LPP: variants seen among roughly 807,000 people sequenced by gnomAD.
LPP encodes lipoma-preferred partner.
LPP carries 38 observed loss-of-function variants against 60.4 expected under a neutral mutation model. That is an observed-to-expected ratio of 0.63 (90% confidence interval 0.49 to 0.83). The LOEUF (loss-of-function observed/expected upper bound fraction) is 0.83. Among genes scored for constraint, LPP ranks in the 40% least tolerant of loss-of-function variants. The pLI is 0.00. For missense variants in LPP, 902 were observed against 783.6 expected (o/e 1.15, Z -1.80); for synonymous variants, 328 against 290.8 (o/e 1.13, Z -1.30).
Position 188,154,184 on chromosome 3 carries a change from TC to T in LPP, c.-256del. ...CTCCTCCTCTGCCTCTGCCTCCGCC[TC>T]CAGCCGCCGCCGCCGCCGCCGCCGC... On this transcript the variant is annotated 5_prime_UTR_variant, in exon 1 of 12. Transcript: ENST00000617246. The T allele has an allele frequency of 4.7e-6, 1 of 212,734 alleles. No homozygotes were observed. 13.2% of individuals were successfully genotyped at this position (212,734 alleles called of 1,614,324 possible).
intron 7 of LPP, among the ~76,000 whole-genome samples, chr3:188,706,657 G>A (rs1865535361): frequency 6.6e-6 from 1 of 152,204 alleles, no homozygotes; most frequent in Non-Finnish European, 1.5e-5. Flanking sequence ...GATAGCATGT[G>A]TTCAGAGATT....
At chr3:188,769,134 C>T (rs1450599438) in intron 9 of LPP, among the ~76,000 whole-genome samples, 1 of 152,036 alleles carries the variant, frequency 6.6e-6, no homozygotes, top group Non-Finnish European at 1.5e-5. Context: ...AACTTTAAAA[C>T]GTATAAATGA....
chr3:188,606,265 C>G (rs1842355857), intron 6 of LPP, among the ~76,000 whole-genome samples: 1 of 152,130 alleles, frequency 6.6e-6, no homozygotes, highest in African/African-American at 2.4e-5. Context: ...TACATAATAC[C>G]TGTGTAAATC....
intron 5 of LPP, among the ~76,000 whole-genome samples, chr3:188,485,348 A>G (rs1461600861): frequency 6.6e-6 from 1 of 152,242 alleles, no homozygotes; most frequent in East Asian, 1.9e-4. Context: ...AGCTGCCACC[A>G]TTTAAGCTGA....
chr3:188,762,680 A>G (rs150034956), intron 9 of LPP, among the ~76,000 whole-genome samples: 5 of 152,090 alleles, frequency 3.3e-5, no homozygotes, highest in African/African-American at 1.2e-4. Context: ...TTACTATACT[A>G]TGCTTATGAG....
chr3:188,629,036 G>A (rs1185261031), intron 7 of LPP, among the ~76,000 whole-genome samples: 1 of 151,994 alleles, frequency 6.6e-6, no homozygotes, highest in Admixed American at 6.6e-5. Context: ...GCAAAAAAGG[G>A]TTTTGGTAAA....
intron 4 of LPP, among the ~76,000 whole-genome samples, chr3:188,466,543 T>G (rs562690377): frequency 6.6e-6 from 1 of 152,040 alleles, no homozygotes; most frequent in African/African-American, 2.4e-5. Flanking sequence ...TACTTCCAGT[T>G]ATTTGTCAAT....
chr3:188,544,357 T>G (rs887715848), intron 6 of LPP, among the ~76,000 whole-genome samples: 1 of 152,256 alleles, frequency 6.6e-6, no homozygotes, highest in Non-Finnish European at 1.5e-5. Flanking sequence ...GTTACCCAGT[T>G]TATAACATGA....
At chr3:188,749,548 C>A (rs1466934807) in intron 8 of LPP, among the ~76,000 whole-genome samples, 1 of 152,150 alleles carries the variant, frequency 6.6e-6, no homozygotes, top group Non-Finnish European at 1.5e-5. Flanking sequence ...GAGAATAGCA[C>A]CATCTTTGGG....
intron 6 of LPP, among the ~76,000 whole-genome samples, chr3:188,596,787 C>A (rs543470323): frequency 6.6e-6 from 1 of 152,128 alleles, no homozygotes; most frequent in Non-Finnish European, 1.5e-5. Flanking sequence ...GCTTTGCTTT[C>A]GGTCACCCAA....
intron 1 of LPP, among the ~76,000 whole-genome samples, chr3:188,213,976 A>G (rs1021424529): frequency 3.3e-5 from 5 of 151,262 alleles, no homozygotes; most frequent in African/African-American, 1.2e-4. Flanking sequence ...ACACACACAC[A>G]CACACACACA....
rs60777289 is a variant in LPP at position 188,874,911 on chromosome 3, G to T, written c.*432G>T. 917 of 234,710 alleles carry T rather than the reference G, an allele frequency of 3.9e-3. 8 individuals carry two copies. Among genetic ancestry groups the T allele is most frequent in the African/African-American group, 0.018 (827 of 45,330 alleles). 14.5% of individuals were successfully genotyped at this position (234,710 alleles called of 1,614,324 possible). ...CCATCCTATCATTTCCGTTTTGCCT[G>T]TGACTGTAAAGAGTAGCCATTCTTT... is the stretch of plus-strand genomic sequence containing the variant. On this transcript the variant is annotated 3_prime_UTR_variant, in exon 12 of 12. Coordinates refer to ENST00000617246, the MANE Select transcript of LPP (RefSeq NM_001375462.1).
chr3:188,395,407 A>T (rs869630), intron 3 of LPP, among the ~76,000 whole-genome samples: 79 of 148,846 alleles, frequency 5.3e-4, no homozygotes, highest in African/African-American at 1.7e-3. Flanking sequence ...AATTATTATT[A>T]TTTTTTTTTT....
intron 4 of LPP, among the ~76,000 whole-genome samples, chr3:188,441,119 T>C (rs908609585): frequency 6.6e-6 from 1 of 152,160 alleles, no homozygotes; most frequent in Non-Finnish European, 1.5e-5. Context: ...TCAAAATGTA[T>C]TTATACTATG....
At chr3:188,838,752 AG>A (rs1759138695) in intron 9 of LPP, among the ~76,000 whole-genome samples, 2 of 152,312 alleles carry the variant, frequency 1.3e-5, no homozygotes, top group South Asian at 4.1e-4. Flanking sequence ...AAACTAACAC[AG>A]GAACAGAAAA....
chr3:188,281,841 G>A (rs1249577468), intron 2 of LPP, among the ~76,000 whole-genome samples: 2 of 151,990 alleles, frequency 1.3e-5, no homozygotes, highest in East Asian at 3.9e-4. Context: ...ACAGTTATTT[G>A]TATAAAATTT....
At chr3:188,243,453 G>T (rs1479933) in intron 2 of LPP, among the ~76,000 whole-genome samples, 12,681 of 152,182 alleles carry the variant, frequency 0.083, 1,059 homozygotes, top group African/African-American at 0.21. Context: ...CGGGGGCTTG[G>T]GGTGGTGTCT....
At chr3:188,604,784 A>G (rs1158394212) in intron 6 of LPP, among the ~76,000 whole-genome samples, 1 of 152,154 alleles carries the variant, frequency 6.6e-6, no homozygotes, top group Non-Finnish European at 1.5e-5. Flanking sequence ...GCAGGGAATA[A>G]AAAGGACAGT....
chr3:188,678,978 A>G (rs1858784512), intron 7 of LPP, among the ~76,000 whole-genome samples: 1 of 152,234 alleles, frequency 6.6e-6, no homozygotes, highest in Admixed American at 6.5e-5. Flanking sequence ...GGATTGAATG[A>G]GAACACATGG....
Sources: allele counts gnomAD v4.1 joint callset (sites outside exome capture counted in the v4.1 genomes callset), GRCh38; gene constraint gnomAD v4.1.1; transcripts MANE v1.5; gene names NCBI Gene and HGNC (gene_info 2026-07-23, HGNC 2026-07-21).